MAP2: variants seen among roughly 807,000 people sequenced by gnomAD.
The protein encoded by MAP2 is microtubule-associated protein 2.
In MAP2, 14 loss-of-function variants were observed where a neutral mutation model predicts 137.6. The observed-to-expected ratio is 0.10, with a 90% CI of 0.07 to 0.16. The LOEUF is 0.16. MAP2 is among the 10% of genes least tolerant of loss of function. The pLI is 1.00. For missense variants in MAP2, 2,088 were observed against 2,191.5 expected (o/e 0.95, Z 0.94); for synonymous variants, 786 against 782.3 (o/e 1.00, Z -0.08).
At chr2:209,677,619 C>T (rs578168222) in intron 5 of MAP2, among the ~76,000 whole-genome samples, 7 of 152,166 alleles carry the variant, frequency 4.6e-5, no homozygotes, top group East Asian at 1.9e-4. Flanking sequence ...CATTCACTCA[C>T]GACTGTTAGA....
chr2:209,484,972 G>A (rs1010607712), intron 1 of MAP2, among the ~76,000 whole-genome samples: 15 of 152,228 alleles, frequency 9.9e-5, no homozygotes, highest in Admixed American at 9.8e-4. Context: ...AAACGCGATA[G>A]CAGTTGTGCA....
intron 2 of MAP2, among the ~76,000 whole-genome samples, chr2:209,531,630 A>G (rs185090280): frequency 1.1e-4 from 16 of 152,338 alleles, no homozygotes; most frequent in African/African-American, 3.8e-4. Context: ...TTGTCTGTGT[A>G]CTTTACAATA....
chr2:209,709,088 G>T (rs1322782276), intron 12 of MAP2, among the ~76,000 whole-genome samples: 1 of 152,114 alleles, frequency 6.6e-6, no homozygotes, highest in African/African-American at 2.4e-5. Flanking sequence ...ATAATAATAT[G>T]AGGCTGAGCT....
intron 1 of MAP2, among the ~76,000 whole-genome samples, chr2:209,448,835 C>T (rs965142106): frequency 1.1e-4 from 17 of 152,068 alleles, no homozygotes; most frequent in African/African-American, 4.1e-4. Flanking sequence ...AAACCTTTTT[C>T]CAAATAAGGT....
chr2:209,426,407 C>T (rs1224773170), intron 1 of MAP2, among the ~76,000 whole-genome samples: 3 of 151,850 alleles, frequency 2.0e-5, no homozygotes, highest in Non-Finnish European at 2.9e-5. Flanking sequence ...TTCTTTATGG[C>T]TGCTTTAGTC....
intron 14 of MAP2, 141 bp from the exon 15 acceptor site, chr2:209,729,709 C>T: frequency 1.7e-6 from 1 of 605,016 alleles, no homozygotes; most frequent in Non-Finnish European, 3.0e-6. Flanking sequence ...TTCTAAAAGA[C>T]TCTTTTTACA....
intron 3 of MAP2, among the ~76,000 whole-genome samples, chr2:209,623,423 T>G (rs1316372960): frequency 3.3e-5 from 5 of 152,210 alleles, no homozygotes; most frequent in Non-Finnish European, 7.3e-5. Context: ...CTTATCCATA[T>G]GCATATGTGC....
intron 11 of MAP2, among the ~76,000 whole-genome samples, chr2:209,701,256 A>G (rs1559612908): frequency 6.6e-6 from 1 of 151,906 alleles, no homozygotes; most frequent in Non-Finnish European, 1.5e-5. Flanking sequence ...TATATTTGCC[A>G]AATTATAGAG....
At chr2:209,480,961 A>T (rs532974549) in intron 1 of MAP2, among the ~76,000 whole-genome samples, 5 of 151,984 alleles carry the variant, frequency 3.3e-5, no homozygotes, top group Non-Finnish European at 7.4e-5. Flanking sequence ...TGCTGGGTTC[A>T]TCATAAGGCT....
At chr2:209,660,037 CA>C (rs1008981172) in intron 5 of MAP2, among the ~76,000 whole-genome samples, 11 of 146,560 alleles carry the variant, frequency 7.5e-5, no homozygotes, top group Non-Finnish European at 1.2e-4. Flanking sequence ...GACTCAGTCT[CA>C]AAAAAAAAAT....
intron 2 of MAP2, among the ~76,000 whole-genome samples, chr2:209,550,870 C>T (rs568374085): frequency 6.6e-6 from 1 of 152,218 alleles, no homozygotes; most frequent in African/African-American, 2.4e-5. Context: ...ATCTCAGTTT[C>T]TCCAAAATAG....
chr2:209,527,993 CT>C (rs1424547382), intron 2 of MAP2, among the ~76,000 whole-genome samples: 1 of 152,118 alleles, frequency 6.6e-6, no homozygotes, highest in Non-Finnish European at 1.5e-5. Context: ...ATACGAAGTT[CT>C]CTCTCTAAAT....
intron 1 of MAP2, among the ~76,000 whole-genome samples, chr2:209,504,898 G>T (rs563429556): frequency 6.6e-6 from 1 of 151,978 alleles, no homozygotes; most frequent in African/African-American, 2.4e-5. Context: ...GTGTTCTTAT[G>T]TACATTCTAT....
rs781329429 is a variant in MAP2 at position 209,593,619 on chromosome 2, C to CAAAAAAAAAAA, written c.-107+13525_-107+13535dup. Among the ~76,000 whole-genome samples the CAAAAAAAAAAA allele has an allele frequency of 5.8e-3, 17 of 2,932 alleles. 6 individuals are homozygous for CAAAAAAAAAAA. Among genetic ancestry groups the CAAAAAAAAAAA allele is most frequent in the South Asian group, 0.05 (2 of 40 alleles). 1.9% of individuals were successfully genotyped at this position (2,932 alleles called of 152,430 possible). A position where few individuals can be genotyped will look rare whatever the true frequency, so the allele number is the denominator to read the frequency against. On this transcript the variant is annotated intron_variant, in intron 3 of 15. Transcript: ENST00000682079. Reference sequence around the variant, plus strand: ...GCAACACACCAAGACCCTGTCTCTACAAAAAAAAAAAAAAAATATATATAT... The same window carrying CAAAAAAAAAAA: ...GCAACACACCAAGACCCTGTCTCTACAAAAAAAAAAAAAAAAAAAAAAAAAAATATATATAT...
At chr2:209,541,412 C>G (rs1475711877) in intron 2 of MAP2, among the ~76,000 whole-genome samples, 1 of 151,164 alleles carries the variant, frequency 6.6e-6, no homozygotes, top group Non-Finnish European at 1.5e-5. Flanking sequence ...GCTGACCGAT[C>G]AGGGTGGTGG....
intron 3 of MAP2, among the ~76,000 whole-genome samples, chr2:209,617,019 C>G (rs1348178516): frequency 6.9e-6 from 1 of 144,104 alleles, no homozygotes. Context: ...CAAGGTAGAT[C>G]AAAGCATTTC....
chr2:209,514,737 A>T (rs1414102866), intron 2 of MAP2, among the ~76,000 whole-genome samples: 1 of 152,126 alleles, frequency 6.6e-6, no homozygotes, highest in Non-Finnish European at 1.5e-5. Flanking sequence ...AGTACAAGGG[A>T]TAAACTCTCT....
chr2:209,538,804 C>T (rs1249504353), intron 2 of MAP2, among the ~76,000 whole-genome samples: 2 of 151,566 alleles, frequency 1.3e-5, no homozygotes, highest in Non-Finnish European at 2.9e-5. Context: ...CGCTGAATAC[C>T]CTAAAGTTTG....
chr2:209,709,269 C>CT (rs60517179), intron 12 of MAP2, among the ~76,000 whole-genome samples: 1 of 151,276 alleles, frequency 6.6e-6, no homozygotes, highest in African/African-American at 2.4e-5. Flanking sequence ...AAGAAACAGA[C>CT]TTTTTTTTTG....
Sources: gnomAD v4.1 joint callset for allele counts (sites outside exome capture counted in the v4.1 genomes callset) on GRCh38, gnomAD v4.1.1 for gene constraint, MANE v1.5 for transcripts, NCBI Gene and HGNC (gene_info 2026-07-23, HGNC 2026-07-21) for gene names.